Variants in SLC35F4 observed in about 807,000 individuals in gnomAD.
SLC35F4 encodes chromosome 14 open reading frame 36.
SLC35F4 carries 24 observed loss-of-function variants against 44.2 expected under a neutral mutation model. That is an observed-to-expected ratio of 0.54 (90% CI 0.39 to 0.76). SLC35F4 has a LOEUF of 0.76. Ranked by LOEUF, SLC35F4 falls within the 30% of genes least tolerant of loss-of-function variation. The pLI, the probability that SLC35F4 is intolerant of heterozygous loss-of-function variation, is 0.00. For missense variants in SLC35F4, 562 were observed against 586.1 expected, an observed-to-expected ratio of 0.96 and a Z score of 0.42; for synonymous variants, 238 against 223.6, an observed-to-expected ratio of 1.06 and a Z score of -0.57.
At chr14:57,827,042 T>C (rs1414367631) in intron 1 of SLC35F4, among the ~76,000 whole-genome samples, 4 of 152,264 alleles carry the variant, frequency 2.6e-5, no homozygotes, top group Admixed American at 2.0e-4. Flanking sequence ...CATTATATTA[T>C]AAAGATATAT....
intron 1 of SLC35F4, among the ~76,000 whole-genome samples, chr14:57,888,658 G>C (rs898699563): frequency 6.6e-6 from 1 of 152,164 alleles, no homozygotes; most frequent in African/African-American, 2.4e-5. Flanking sequence ...TGGGAAAACA[G>C]AGAGCCATGA....
intron 1 of SLC35F4, among the ~76,000 whole-genome samples, chr14:57,799,950 C>A (rs549871450): frequency 1.3e-5 from 2 of 152,150 alleles, no homozygotes; most frequent in Non-Finnish European, 2.9e-5. Context: ...GTGGAGAATA[C>A]AAATAGTCCA....
At chr14:57,857,051 G>A (rs1002680079) in intron 1 of SLC35F4, among the ~76,000 whole-genome samples, 3 of 151,944 alleles carry the variant, frequency 2.0e-5, no homozygotes. Context: ...CGAGGCGGGT[G>A]GATCACCTGA....
intron 1 of SLC35F4, among the ~76,000 whole-genome samples, chr14:57,677,129 G>A (rs1371657981): frequency 6.6e-6 from 1 of 152,022 alleles, no homozygotes; most frequent in Non-Finnish European, 1.5e-5. Context: ...GGAGCTGGAG[G>A]CCATTATTCT....
At chr14:57,949,464 G>A (rs1348389349) in intron 1 of SLC35F4, among the ~76,000 whole-genome samples, 1 of 152,062 alleles carries the variant, frequency 6.6e-6, no homozygotes, top group Non-Finnish European at 1.5e-5. Context: ...ATACTTGGTT[G>A]GTGAATTTTT....
intron 1 of SLC35F4, among the ~76,000 whole-genome samples, chr14:57,856,752 T>C (rs1199265568): frequency 6.6e-6 from 1 of 152,072 alleles, no homozygotes; most frequent in Admixed American, 6.5e-5. Context: ...GCACAAATCT[T>C]ACTCTCAGGG....
chr14:57,887,892 C>T (rs1888684703), intron 1 of SLC35F4, among the ~76,000 whole-genome samples: 1 of 152,140 alleles, frequency 6.6e-6, no homozygotes, highest in Non-Finnish European at 1.5e-5. Flanking sequence ...CATGCACATG[C>T]ACACGCACAT....
At chr14:57,710,681 A>T (rs1017587027) in intron 1 of SLC35F4, among the ~76,000 whole-genome samples, 6 of 152,154 alleles carry the variant, frequency 3.9e-5, no homozygotes, top group Non-Finnish European at 8.8e-5. Context: ...TGGATGTGAC[A>T]TGGAATCAAA....
intron 1 of SLC35F4, among the ~76,000 whole-genome samples, chr14:57,879,994 G>A (rs1482310188): frequency 4.0e-5 from 6 of 148,228 alleles, no homozygotes; most frequent in African/African-American, 1.5e-4. Context: ...AAGGAAGGAA[G>A]GAAGGAAAGA....
intron 1 of SLC35F4, among the ~76,000 whole-genome samples, chr14:57,862,713 G>A (rs1887788268): frequency 6.6e-6 from 1 of 152,196 alleles, no homozygotes; most frequent in Non-Finnish European, 1.5e-5. Context: ...CTTCCTCAGT[G>A]AGGACTTCCC....
chr14:57,938,269 C>A (rs894374686), intron 1 of SLC35F4, among the ~76,000 whole-genome samples: 2 of 151,848 alleles, frequency 1.3e-5, no homozygotes, highest in African/African-American at 4.8e-5. Flanking sequence ...GACTCTCAAG[C>A]AGACAGAGGA....
intron 1 of SLC35F4, among the ~76,000 whole-genome samples, chr14:57,651,052 C>T (rs573817706): frequency 6.6e-5 from 10 of 152,272 alleles, no homozygotes; most frequent in African/African-American, 2.2e-4. Context: ...AATATTTAGG[C>T]TTATGTCACA....
At chr14:57,909,594 C>T (rs1424080772) in intron 1 of SLC35F4, among the ~76,000 whole-genome samples, 1 of 151,152 alleles carries the variant, frequency 6.6e-6, no homozygotes, top group Non-Finnish European at 1.5e-5. Flanking sequence ...AGATCGGTTT[C>T]TTTTCATTAT....
intron 1 of SLC35F4, among the ~76,000 whole-genome samples, chr14:57,889,529 G>A (rs1888717743): frequency 1.3e-5 from 2 of 152,246 alleles, no homozygotes; most frequent in African/African-American, 2.4e-5. Flanking sequence ...CTCATTGCCA[G>A]GCAGGCTCTA....
At chr14:57,980,844 G>A (rs1275096088) in intron 1 of SLC35F4, among the ~76,000 whole-genome samples, 2 of 152,214 alleles carry the variant, frequency 1.3e-5, no homozygotes, top group Non-Finnish European at 2.9e-5. Context: ...CATGTGGCTA[G>A]TGGCTATCAT....
chr14:57,837,041 G>A (rs1884998403), intron 1 of SLC35F4, among the ~76,000 whole-genome samples: 1 of 152,194 alleles, frequency 6.6e-6, no homozygotes, highest in Non-Finnish European at 1.5e-5. Flanking sequence ...CACTTAGCTT[G>A]AAGGCTCTTC....
intron 1 of SLC35F4, among the ~76,000 whole-genome samples, chr14:57,914,286 G>A (rs888787860): frequency 8.5e-5 from 13 of 152,148 alleles, no homozygotes; most frequent in Non-Finnish European, 1.6e-4. Flanking sequence ...AGTCTCAGCC[G>A]GGCATGGTGG....
intron 1 of SLC35F4, among the ~76,000 whole-genome samples, chr14:57,617,130 C>CT (rs3054446): frequency 0.03 from 3,006 of 99,168 alleles, 239 homozygotes; most frequent in African/African-American, 0.085. Context: ...TGTACTTATT[C>CT]TTTTTTTTTT....
rs76618387 is a variant in SLC35F4 at position 57,687,909 on chromosome 14, C to T, written c.104-93785G>A. ...ACATATATGAAGACTGAAGCAGCTG[C>T]GCATTCAGGTTAAAATTGTGGTACT... On this transcript the variant is annotated intron_variant, in intron 1 of 7. Transcript: ENST00000556826. 3.5e-3 allele frequency among the ~76,000 whole-genome samples: 526 copies of T among 152,272 alleles called. 5 individuals carry two copies. The highest frequency in any genetic ancestry group is 0.012 in the African/African-American group (481 of 41,552).
Sources: allele counts gnomAD v4.1 joint callset (sites outside exome capture counted in the v4.1 genomes callset), GRCh38; gene constraint gnomAD v4.1.1; transcripts MANE v1.5; gene names NCBI Gene and HGNC (gene_info 2026-07-23, HGNC 2026-07-21).